The following MYLK variants were observed in gnomAD, a reference collection of about 807,000 sequenced individuals.
The protein encoded by MYLK is myosin light chain kinase, also known as myosin light chain kinase, smooth muscle.
MYLK carries 106 observed loss-of-function variants against 203.4 expected under a neutral mutation model. The ratio of observed to expected loss-of-function variants is 0.52; its 90% CI spans 0.45 to 0.61. The LOEUF is 0.61. Among genes scored for constraint, MYLK ranks in the 20% least tolerant of loss-of-function variants. The pLI is 0.00. For missense variants in MYLK, 2,072 were observed against 2,442.3 expected, an observed-to-expected ratio of 0.85 and a Z score of 3.20; for synonymous variants, 867 against 959.5, an observed-to-expected ratio of 0.90 and a Z score of 1.78.
At chr3:123,690,681 G>T (rs954489206) in intron 19 of MYLK, among the ~76,000 whole-genome samples, 5 of 152,314 alleles carry the variant, frequency 3.3e-5, no homozygotes, top group African/African-American at 1.2e-4. Flanking sequence ...AACAGGGAAA[G>T]AAAAGCAGGG....
chr3:123,682,962 G>A (rs1243097114), intron 19 of MYLK, among the ~76,000 whole-genome samples: 2 of 152,088 alleles, frequency 1.3e-5, no homozygotes, highest in African/African-American at 4.8e-5. Flanking sequence ...GATGCTGGGC[G>A]GTGCCTGCCC....
intron 4 of MYLK, among the ~76,000 whole-genome samples, chr3:123,753,145 G>A (rs1026651552): frequency 6.6e-6 from 1 of 152,188 alleles, no homozygotes; most frequent in African/African-American, 2.4e-5. Context: ...TGGCCAGTGA[G>A]ACTGAGTTGC....
chr3:123,842,910 T>C (rs570062852), intron 2 of MYLK, among the ~76,000 whole-genome samples: 1 of 152,244 alleles, frequency 6.6e-6, no homozygotes, highest in Non-Finnish European at 1.5e-5. Flanking sequence ...CAAGACTATG[T>C]CTAATCCAGA....
intron 29 of MYLK, among the ~76,000 whole-genome samples, chr3:123,636,333 A>T (rs967425881): frequency 2.0e-5 from 3 of 152,218 alleles, no homozygotes; most frequent in Non-Finnish European, 2.9e-5. Flanking sequence ...TGAAGATGGA[A>T]TCCCTGCCAT....
intron 4 of MYLK, among the ~76,000 whole-genome samples, chr3:123,789,259 G>A (rs141883910): frequency 3.9e-5 from 6 of 152,242 alleles, no homozygotes; most frequent in Non-Finnish European, 8.8e-5. Flanking sequence ...AGGCACGTGA[G>A]CAGAACACAG....
intron 23 of MYLK, among the ~76,000 whole-genome samples, chr3:123,658,149 ATATACTTAAAAAT>A (rs2059449197): frequency 6.6e-6 from 1 of 152,224 alleles, no homozygotes; most frequent in African/African-American, 2.4e-5. Context: ...TTCTAACTTT[ATATACTTAAAAAT>A]TACTCCTACC....
At chr3:123,744,324 C>T (rs2062950950) in intron 5 of MYLK, among the ~76,000 whole-genome samples, 2 of 152,098 alleles carry the variant, frequency 1.3e-5, no homozygotes, top group South Asian at 4.2e-4. Flanking sequence ...TGCATTAACT[C>T]CTAATGCATG....
chr3:123,722,063 C>T, intron 13 of MYLK, 65 bp downstream of exon 13: 1 of 1,545,124 alleles, frequency 6.5e-7, no homozygotes. Context: ...ACAAATGTGC[C>T]CTTCCTCCAA....
At chr3:123,745,424 G>A (rs2062985694) in intron 5 of MYLK, among the ~76,000 whole-genome samples, 2 of 152,060 alleles carry the variant, frequency 1.3e-5, no homozygotes, top group Admixed American at 1.3e-4. Context: ...ATTAAACTTG[G>A]TATTGAAGAA....
chr3:123,712,191 TG>T (rs1430223079), intron 13 of MYLK, among the ~76,000 whole-genome samples: 2 of 152,218 alleles, frequency 1.3e-5, no homozygotes, highest in African/African-American at 4.8e-5. Flanking sequence ...GCAGAAGCTC[TG>T]GGAGTGGGCT....
intron 4 of MYLK, among the ~76,000 whole-genome samples, chr3:123,791,779 A>ACTG (rs1167765299): frequency 2.0e-5 from 3 of 152,276 alleles, no homozygotes; most frequent in Non-Finnish European, 4.4e-5. Flanking sequence ...TTTTAAGAAT[A>ACTG]CTGCAGTCAA....
intron 31 of MYLK, among the ~76,000 whole-genome samples, 159 bp downstream of exon 31, chr3:123,626,659 C>G (rs2058161507): frequency 6.6e-6 from 1 of 152,178 alleles, no homozygotes; most frequent in African/African-American, 2.4e-5. Context: ...ACTAAGCAAA[C>G]CACTGTACCT....
intron 4 of MYLK, among the ~76,000 whole-genome samples, chr3:123,786,552 T>C (rs1272888033): frequency 1.0e-4 from 14 of 138,740 alleles, no homozygotes; most frequent in Non-Finnish European, 2.2e-4. Context: ...GGATGGCTAA[T>C]GGGTACAAAA....
rs1173704824 is a variant in MYLK, at chr3:123,610,106, T to TAG, written c.*3997_*3998dup. On this transcript the variant is annotated 3_prime_UTR_variant, in exon 34 of 34. Coordinates refer to ENST00000360304, the MANE Select transcript of MYLK (RefSeq NM_053025.4). ...TGATGAAACTATAGACCATACTCTCTAGACTTTCACACAAGCTTTTCAGTT... is the reference window on the plus strand; with the variant it reads ...TGATGAAACTATAGACCATACTCTCTAGAGACTTTCACACAAGCTTTTCAGTT... The TAG allele has an allele frequency of 1.3e-5, 2 of 152,282 alleles. No individual in the cohort carries two copies. Among genetic ancestry groups the TAG allele is most frequent in the Non-Finnish European group, 2.9e-5 (2 of 68,048 alleles). The allele number at this position is 152,282 out of a possible 1,614,324, so 9.4% of individuals were successfully genotyped here.
Position 123,793,571 on chromosome 3 carries a change from A to G in MYLK, c.165+106T>C, listed in dbSNP as rs575418265. The G allele has an allele frequency of 2.3e-6, 3 of 1,311,714 alleles. No individual in the cohort carries two copies. In the South Asian group the frequency reaches 4.1e-5, roughly 18 times the overall value. 81.3% of individuals were successfully genotyped at this position (1,311,714 alleles called of 1,614,324 possible). ...GTTTTACATGAAGGTCCAAAAGAAA[A>G]TTGAGCCTTCTATTAGATCCAGCCG... On this transcript the variant is annotated intron_variant, in intron 4 of 33. Transcript: ENST00000360304.
intron 32 of MYLK, among the ~76,000 whole-genome samples, chr3:123,619,339 G>T (rs16834450): frequency 0.17 from 26,467 of 152,084 alleles, 5,511 homozygotes; most frequent in African/African-American, 0.47. Context: ...TTCCCTTCAG[G>T]CTATGTCTGG....
At chr3:123,653,254 C>T (rs551466999) in intron 24 of MYLK, among the ~76,000 whole-genome samples, 18 of 152,236 alleles carry the variant, frequency 1.2e-4, no homozygotes, top group Admixed American at 5.9e-4. Flanking sequence ...CACACACACA[C>T]GTGCGTGAAC....
intron 30 of MYLK, among the ~76,000 whole-genome samples, chr3:123,627,735 A>C (rs1052197669): frequency 6.6e-6 from 1 of 151,352 alleles, no homozygotes; most frequent in African/African-American, 2.4e-5. Context: ...TTATTTTTAT[A>C]GTAGGAAGGA....
chr3:123,828,915 G>T (rs961727975), intron 3 of MYLK, among the ~76,000 whole-genome samples: 1 of 152,124 alleles, frequency 6.6e-6, no homozygotes, highest in Non-Finnish European at 1.5e-5. Context: ...TCTTATCCCA[G>T]TTAGAATGGC....
Sources: allele counts gnomAD v4.1 joint callset (sites outside exome capture counted in the v4.1 genomes callset), GRCh38; gene constraint gnomAD v4.1.1; transcripts MANE v1.5; gene names NCBI Gene and HGNC (gene_info 2026-07-23, HGNC 2026-07-21).